Variants in PCDHGA10 observed in about 807,000 individuals in gnomAD.
PCDHGA10 encodes the protein protocadherin gamma subfamily A, 10.
A neutral mutation model predicts 59.5 loss-of-function variants in PCDHGA10; 42 were observed. That is an observed-to-expected ratio of 0.71 (90% CI 0.55 to 0.91). PCDHGA10 has a LOEUF of 0.91. Ranked by LOEUF, PCDHGA10 falls within the 40% of genes least tolerant of loss-of-function variation. PCDHGA10 has a pLI of 0.00. For missense variants in PCDHGA10, 1,111 were observed against 1,198.2 expected (o/e 0.93, Z 1.07); for synonymous variants, 511 against 517.2 (o/e 0.99, Z 0.16).
chr5:141,431,991 A>T lies in PCDHGA10; in HGVS notation c.2436+16380A>T, dbSNP rs1046547219. On this transcript the variant is annotated intron_variant, in intron 1 of 3. Transcript: ENST00000398610. The surrounding 1 kb of genome is among the most constrained non-coding windows in gnomAD (Gnocchi z 4.8). ...AGTTTAGTCACAGACATAGTCTTGG[A>T]TAGGGAACAGGTTCCTAGCTACAAC... is the stretch of plus-strand genomic sequence containing the variant. 5 of 1,614,100 alleles carry T rather than the reference A, an allele frequency of 3.1e-6. No individual in the cohort carries two copies. Among genetic ancestry groups the T allele is most frequent in the Non-Finnish European group, 3.4e-6 (4 of 1,180,050 alleles).
intron 1 of PCDHGA10, among the ~76,000 whole-genome samples, chr5:141,464,525 A>G (rs919668801): frequency 3.3e-5 from 5 of 152,064 alleles, no homozygotes; most frequent in Non-Finnish European, 5.9e-5. Context: ...AGGCATATGT[A>G]GTTTTGTTAA....
chr5:141,455,852 T>C (rs2154565235), intron 1 of PCDHGA10, among the ~76,000 whole-genome samples: 1 of 148,622 alleles, frequency 6.7e-6, no homozygotes, highest in South Asian at 2.1e-4. Context: ...CATAAAATAA[T>C]TTCTTTTATT....
At chr5:141,421,601 T>C (rs1309928984) in intron 1 of PCDHGA10, 19 of 1,613,652 alleles carry the variant, frequency 1.2e-5, no homozygotes, top group Non-Finnish European at 1.6e-5. Context: ...GTGGAAATAA[T>C]AGATATTAAT....
chr5:141,505,334 G>T, intron 2 of PCDHGA10, 59 bp from the exon 3 acceptor site: 1 of 1,611,326 alleles, frequency 6.2e-7, no homozygotes, highest in Non-Finnish European at 8.5e-7. Context: ...GAGAGGACAG[G>T]AGGGGCATGA....
Position 141,432,587 on chromosome 5 carries a change from A to C in PCDHGA10, c.2436+16976A>C. ...CGCCTGGCTGTCCTACCGTCTGCTC[A>C]AGGCCAGCGAGCCGGGACTCTTCTC... On this transcript the variant is annotated intron_variant, in intron 1 of 3. Transcript: ENST00000398610. This position sits in a 1 kb window ranked among gnomAD's most constrained non-coding sequence, Gnocchi z 6.0. 1.9e-6 allele frequency: 3 copies of C among 1,613,250 alleles called. No individual in the cohort carries two copies. Among genetic ancestry groups the C allele is most frequent in the Non-Finnish European group, 2.5e-6 (3 of 1,179,918 alleles).
At position 141,418,815 on chromosome 5, in the gene PCDHGA10, T is replaced by C. The variant is rs368396202; in HGVS notation, c.2436+3204T>C. The stretch of plus-strand genomic sequence containing the variant: ...GAAGTAGAAAGATATACGATAAACA[T>C]AGAAGCAAAAGACCGAGGATCTCTC... On this transcript the variant is annotated intron_variant, in intron 1 of 3. Transcript: ENST00000398610. 509 of 1,613,744 alleles carry C rather than the reference T, an allele frequency of 3.2e-4. No homozygotes were observed. The highest frequency in any genetic ancestry group is 4.1e-4 in the Non-Finnish European group (488 of 1,179,804).
At chr5:141,435,180 C>G (rs1341148119) in intron 1 of PCDHGA10, among the ~76,000 whole-genome samples, 1 of 152,074 alleles carries the variant, frequency 6.6e-6, no homozygotes, top group African/African-American at 2.4e-5. Context: ...TTTAACTACA[C>G]TTGAGATGGC....
Position 141,419,433 on chromosome 5 carries a change from T to C in PCDHGA10, c.2436+3822T>C, listed in dbSNP as rs1333004780. 11 of 1,613,246 alleles carry C rather than the reference T, an allele frequency of 6.8e-6. No individual in the cohort carries two copies. The highest frequency in any genetic ancestry group is 9.3e-6 in the Non-Finnish European group (11 of 1,179,828). On this transcript the variant is annotated intron_variant, in intron 1 of 3. Coordinates refer to ENST00000398610, the MANE Select transcript of PCDHGA10 (RefSeq NM_018913.3). ...CAGCGCGCCTTCGACCACGAGCAGC[T>C]GCGCACCTTCGAGCTCACGCTGCAG... is the stretch of plus-strand genomic sequence containing the variant.
At chr5:141,502,961 A>G (rs886622146) in intron 2 of PCDHGA10, among the ~76,000 whole-genome samples, 3 of 146,786 alleles carry the variant, frequency 2.0e-5, no homozygotes, top group Non-Finnish European at 4.4e-5. Context: ...CTCCTGCCTC[A>G]GCCTCCCAAG....
intron 2 of PCDHGA10, among the ~76,000 whole-genome samples, chr5:141,503,423 C>T (rs1018496430): frequency 6.6e-6 from 1 of 151,752 alleles, no homozygotes; most frequent in Non-Finnish European, 1.5e-5. Context: ...GGTGAAACCC[C>T]ATCTCTACTA....
chr5:141,484,334 A>G (rs988395353), intron 1 of PCDHGA10, among the ~76,000 whole-genome samples: 3 of 152,192 alleles, frequency 2.0e-5, no homozygotes, highest in East Asian at 1.9e-4. Context: ...CTTGAAATCA[A>G]TGAATGGTAA....
intron 1 of PCDHGA10, chr5:141,418,232 G>A (rs1034684988): frequency 6.2e-7 from 1 of 1,614,066 alleles, no homozygotes; most frequent in Non-Finnish European, 8.5e-7. Flanking sequence ...GGTGATTGAG[G>A]ATGTTAATGA....
chr5:141,489,660 G>A lies in PCDHGA10; in HGVS notation c.2437-5147G>A, dbSNP rs763985085. 3 of 1,614,096 alleles carry A rather than the reference G, an allele frequency of 1.9e-6. No individual in the cohort carries two copies. Among genetic ancestry groups the A allele is most frequent in the Non-Finnish European group, 2.5e-6 (3 of 1,180,036 alleles). On this transcript the variant is annotated intron_variant, in intron 1 of 3. Coordinates refer to ENST00000398610, the MANE Select transcript of PCDHGA10 (RefSeq NM_018913.3). The surrounding 1 kb of genome is among the most constrained non-coding windows in gnomAD (Gnocchi z 4.5). Reference sequence around the variant, plus strand: ...GCTTTGCCACCCCTGAGCGAGAGATGCGCATCTCAGAATCAGCAGCATCTG... The same window carrying A: ...GCTTTGCCACCCCTGAGCGAGAGATACGCATCTCAGAATCAGCAGCATCTG...
chr5:141,433,361 ATCT>A, intron 1 of PCDHGA10: 2 of 297,578 alleles, frequency 6.7e-6, no homozygotes, highest in Non-Finnish European at 1.3e-5. Context: ...CTGTCTGCCT[ATCT>A]ATCTATCTAT....
Position 141,432,694 on chromosome 5 carries a change from C to A in PCDHGA10, c.2436+17083C>A. 1 of 1,613,936 alleles carries A rather than the reference C, an allele frequency of 6.2e-7. No homozygotes were observed. The highest frequency in any genetic ancestry group is 8.5e-7 in the Non-Finnish European group (1 of 1,179,964). On this transcript the variant is annotated intron_variant, in intron 1 of 3. Transcript: ENST00000398610. This position sits in a 1 kb window ranked among gnomAD's most constrained non-coding sequence, Gnocchi z 6.0. Reference sequence around the variant, plus strand: ...CGCTCAAGCAGAGCCTCGTAGTGGCCGTCCAGGACCACGGCCAGCCCCCTC... The same window carrying A: ...CGCTCAAGCAGAGCCTCGTAGTGGCAGTCCAGGACCACGGCCAGCCCCCTC...
chr5:141,481,085 A>T (rs1200522212), intron 1 of PCDHGA10, among the ~76,000 whole-genome samples: 1 of 152,192 alleles, frequency 6.6e-6, no homozygotes, highest in African/African-American at 2.4e-5. Flanking sequence ...AAGAAAAAAG[A>T]AAAGCAGTAC....
chr5:141,468,433 A>G (rs2099167290), intron 1 of PCDHGA10: 1 of 152,202 alleles, frequency 6.6e-6, no homozygotes, highest in Non-Finnish European at 1.5e-5. Context: ...GGTAATAGCA[A>G]AATGTGGGTG....
chr5:141,476,016 G>A lies in PCDHGA10; in HGVS notation c.2437-18791G>A. 7.4e-7 allele frequency: 1 copy of A among 1,359,386 alleles called. No individual in the cohort carries two copies. 84.2% of individuals were successfully genotyped at this position (1,359,386 alleles called of 1,614,324 possible). A position where few individuals can be genotyped will look rare whatever the true frequency, so the allele number is the denominator to read the frequency against. On this transcript the variant is annotated intron_variant, in intron 1 of 3. Coordinates refer to ENST00000398610, the MANE Select transcript of PCDHGA10 (RefSeq NM_018913.3). This position sits in a 1 kb window ranked among gnomAD's most constrained non-coding sequence, Gnocchi z 7.6. ...TCAACGGCATCCAGAAAGCCATGTC[G>A]GACTCGGCGCCCAGCGCCCAAGCGC...
In PCDHGA10 at chr5:141,422,867, T is replaced by C. The variant is rs116031289; in HGVS notation, c.2436+7256T>C. On this transcript the variant is annotated intron_variant, in intron 1 of 3. Coordinates refer to ENST00000398610, the MANE Select transcript of PCDHGA10 (RefSeq NM_018913.3). Reference sequence around the variant, plus strand: ...GGGGACCCGCCCCTCAGCAGCAACGTGTCGCTGAGCCTGTTCGTGCTGGAC... The same window carrying C: ...GGGGACCCGCCCCTCAGCAGCAACGCGTCGCTGAGCCTGTTCGTGCTGGAC... 1.5e-3 allele frequency: 2,464 copies of C among 1,614,218 alleles called. 37 individuals are homozygous for C. In the African/African-American group the frequency reaches 0.029, roughly 19 times the overall value.
Sources: gnomAD v4.1 joint callset for allele counts (sites outside exome capture counted in the v4.1 genomes callset) on GRCh38, gnomAD v4.1.1 for gene constraint, Gnocchi (gnomAD v3.1) non-coding constraint, MANE v1.5 for transcripts, NCBI Gene and HGNC (gene_info 2026-07-23, HGNC 2026-07-21) for gene names.